GDNF: variants seen among roughly 807,000 people sequenced by gnomAD.
The protein encoded by GDNF is glial cell derived neurotrophic factor.
GDNF carries 5 observed loss-of-function variants against 13.7 expected under a neutral mutation model. The observed-to-expected ratio is 0.36, with a 90% confidence interval of 0.19 to 0.77. The LOEUF is 0.77. Ranked by LOEUF, GDNF falls within the 30% of genes least tolerant of loss-of-function variation. GDNF has a pLI of 0.51. For synonymous variants in GDNF, 122 were observed against 112.5 expected (o/e 1.08, Z -0.53); for missense variants, 246 against 274.3 (o/e 0.90, Z 0.73).
At chr5:37,824,955 T>C (rs1750256951) in intron 2 of GDNF, among the ~76,000 whole-genome samples, 1 of 152,184 alleles carries the variant, frequency 6.6e-6, no homozygotes, top group Non-Finnish European at 1.5e-5. Flanking sequence ...ACACCACTGT[T>C]TTGTTGTTTT....
rs1749867672 is a variant in GDNF at position 37,815,268 on chromosome 5, A to G, written c.*383T>C. ...CATGAAAACAAATCACAGGAGATAC[A>G]CTGGTTTGGTTCAAGTGCATCCACC... On this transcript the variant is annotated 3_prime_UTR_variant, in exon 3 of 3. Coordinates refer to ENST00000326524, the MANE Select transcript of GDNF (RefSeq NM_000514.4). The surrounding 1 kb of genome is among the most constrained non-coding windows in gnomAD (Gnocchi z 5.0). The G allele has an allele frequency of 3.3e-6, 1 of 305,306 alleles. No homozygotes were observed. Among genetic ancestry groups the G allele is most frequent in the Non-Finnish European group, 6.3e-6 (1 of 159,422 alleles). 18.9% of individuals were successfully genotyped at this position (305,306 alleles called of 1,614,324 possible).
chr5:37,815,622 G>A lies in GDNF; in HGVS notation c.*29C>T, dbSNP rs763387496. 6.2e-7 allele frequency: 1 copy of A among 1,603,748 alleles called. No individual in the cohort carries two copies. Among genetic ancestry groups the A allele is most frequent in the Admixed American group, 1.7e-5 (1 of 59,994 alleles). On this transcript the variant is annotated 3_prime_UTR_variant, in exon 3 of 3. Coordinates refer to ENST00000326524, the MANE Select transcript of GDNF (RefSeq NM_000514.4). This position sits in a 1 kb window ranked among gnomAD's most constrained non-coding sequence, Gnocchi z 5.0. Reference sequence around the variant, plus strand: ...CCTTTCTTTGCACTGTAGCAGGAATGCAATACACAGCAGTCTCTGGAGCCG... The same window carrying A: ...CCTTTCTTTGCACTGTAGCAGGAATACAATACACAGCAGTCTCTGGAGCCG...
intron 1 of GDNF, among the ~76,000 whole-genome samples, chr5:37,836,360 C>G (rs1750704128): frequency 6.6e-6 from 1 of 152,092 alleles, no homozygotes; most frequent in African/African-American, 2.4e-5. Context: ...GCAGGCAACC[C>G]GGGGAAGCCT....
chr5:37,838,217 C>A lies in GDNF; in HGVS notation c.-27+1290G>T, dbSNP rs945439171. Among the ~76,000 whole-genome samples the A allele has an allele frequency of 3.9e-5, 6 of 152,056 alleles. No individual in the cohort carries two copies. Among genetic ancestry groups the A allele is most frequent in the Admixed American group, 2.0e-4 (3 of 15,266 alleles). On this transcript the variant is annotated intron_variant, in intron 1 of 2. Coordinates refer to ENST00000326524, the MANE Select transcript of GDNF (RefSeq NM_000514.4). This position sits in a 1 kb window ranked among gnomAD's most constrained non-coding sequence, Gnocchi z 4.1. Reference sequence around the variant, plus strand: ...CTGTTTAAAGGGCCAGGTTCCAGGCCCGAGAGCACCCGAATTGCTAGCGGG... The same window carrying A: ...CTGTTTAAAGGGCCAGGTTCCAGGCACGAGAGCACCCGAATTGCTAGCGGG...
intron 1 of GDNF, 65 bp from the exon 2 acceptor site, chr5:37,834,887 C>A: frequency 1.4e-6 from 2 of 1,444,518 alleles, no homozygotes; most frequent in Admixed American, 1.7e-5. Flanking sequence ...GGGCTCCCTG[C>A]GGGTCCCTGC....
At chr5:37,825,229 A>G (rs1293722736) in intron 2 of GDNF, among the ~76,000 whole-genome samples, 1 of 152,242 alleles carries the variant, frequency 6.6e-6, no homozygotes. Flanking sequence ...ACAAACAGCC[A>G]GAAAACCCCA....
At chr5:37,821,242 G>A (rs1029028061) in intron 2 of GDNF, among the ~76,000 whole-genome samples, 3 of 152,160 alleles carry the variant, frequency 2.0e-5, no homozygotes, top group African/African-American at 4.8e-5. Context: ...GCCCACAGCT[G>A]CCTCCATTTT....
chr5:37,820,515 T>C (rs1750096452), intron 2 of GDNF, among the ~76,000 whole-genome samples: 1 of 152,212 alleles, frequency 6.6e-6, no homozygotes, highest in Non-Finnish European at 1.5e-5. Context: ...ATACACGTCA[T>C]AGCAAATTTG....
chr5:37,814,670 TAATA>T lies in GDNF; in HGVS notation c.*977_*980del, dbSNP rs1027294068. The T allele has an allele frequency of 2.6e-5, 4 of 152,228 alleles. No individual in the cohort carries two copies. Among genetic ancestry groups the T allele is most frequent in the African/African-American group, 4.8e-5 (2 of 41,462 alleles). 9.4% of individuals were successfully genotyped at this position (152,228 alleles called of 1,614,324 possible). On this transcript the variant is annotated 3_prime_UTR_variant, in exon 3 of 3. Transcript: ENST00000326524. ...AAAAGAGAAATTCATTAGTGAACGG[TAATA>T]AATAACAATAACTTAAATTTCAATA...
chr5:37,818,591 C>T (rs1039571237), intron 2 of GDNF, among the ~76,000 whole-genome samples: 1 of 152,180 alleles, frequency 6.6e-6, no homozygotes, highest in African/African-American at 2.4e-5. Flanking sequence ...TAGCATCCCC[C>T]ATCCTAGTCA....
rs140493076 is a variant in GDNF at position 37,826,469 on chromosome 5, C to G, written c.151+8177G>C. 8.6e-3 allele frequency among the ~76,000 whole-genome samples: 1,305 copies of G among 152,322 alleles called. 24 individuals are homozygous for G. Among genetic ancestry groups the G allele is most frequent in the Non-Finnish European group, 8.8e-3 (597 of 68,034 alleles). ...CAGAGGAGAGACCTCTGTGCAGGGC[C>G]TGGAGCCCCTGGCATGGTGGGTTGT... is the stretch of plus-strand genomic sequence containing the variant. On this transcript the variant is annotated intron_variant, in intron 2 of 2. Coordinates refer to ENST00000326524, the MANE Select transcript of GDNF (RefSeq NM_000514.4).
rs576860633 is a variant in GDNF, at chr5:37,837,063, C to G, written c.-26-2241G>C. On this transcript the variant is annotated intron_variant, in intron 1 of 2. Transcript: ENST00000326524. This position sits in a 1 kb window ranked among gnomAD's most constrained non-coding sequence, Gnocchi z 6.5. Reference sequence around the variant, plus strand: ...CCTCTGAGCGCCGCCGGGACCGGCTCCAGTCCGAGGGGCTCTTTCGTTCTC... The same window carrying G: ...CCTCTGAGCGCCGCCGGGACCGGCTGCAGTCCGAGGGGCTCTTTCGTTCTC... Among the ~76,000 whole-genome samples, 34 of 152,290 alleles carry G rather than the reference C, an allele frequency of 2.2e-4. No individual in the cohort carries two copies. Among genetic ancestry groups the G allele is most frequent in the African/African-American group, 7.7e-4 (32 of 41,566 alleles).
At chr5:37,817,775 C>T (rs1561127335) in intron 2 of GDNF, among the ~76,000 whole-genome samples, 1 of 152,156 alleles carries the variant, frequency 6.6e-6, no homozygotes, top group African/African-American at 2.4e-5. Context: ...GAAGCCCTGT[C>T]ACCTCTTGCC....
At position 37,834,767 on chromosome 5, in the gene GDNF, G is replaced by A; in HGVS notation, c.30C>T (p.Cys10=). Residue 10 remains cysteine (C), a synonymous_variant, in exon 2 of 3, where the codon TGC becomes TGT. Transcript: ENST00000326524. ...CGGACGCGGTGTGGAGCAGCACCAG[G>A]CAGACAGCCACGACATCCCATAACT... is the stretch of plus-strand genomic sequence containing the variant. MKLWDVVAV[C]LVLLHTASAF... is the part of the protein sequence containing the mutation. 3.1e-6 allele frequency: 5 copies of A among 1,613,224 alleles called. No individual in the cohort carries two copies. The highest frequency in any genetic ancestry group is 1.6e-4 in the Middle Eastern group (1 of 6,062).
chr5:37,814,701 A>G lies in GDNF; in HGVS notation c.*950T>C, dbSNP rs1388861466. 1 of 152,256 alleles carries G rather than the reference A, an allele frequency of 6.6e-6. No homozygotes were observed. Among genetic ancestry groups the G allele is most frequent in the South Asian group, 2.1e-4 (1 of 4,834 alleles). 9.4% of individuals were successfully genotyped at this position (152,256 alleles called of 1,614,324 possible). ...ATAACAATAACTTAAATTTCAATAA[A>G]TATCTTCTCTATATTTCTGTATCTG... On this transcript the variant is annotated 3_prime_UTR_variant, in exon 3 of 3. Transcript: ENST00000326524.
intron 2 of GDNF, among the ~76,000 whole-genome samples, chr5:37,823,653 C>T (rs1750216194): frequency 6.6e-6 from 1 of 152,184 alleles, no homozygotes; most frequent in Admixed American, 6.5e-5. Flanking sequence ...CCAACTCATG[C>T]TGGCACCAAA....
At chr5:37,833,740 A>AT (rs1750603011) in intron 2 of GDNF, among the ~76,000 whole-genome samples, 1 of 152,052 alleles carries the variant, frequency 6.6e-6, no homozygotes, top group African/African-American at 2.4e-5. Context: ...TTCCTGCTTT[A>AT]TTTTGGGGTT....
chr5:37,816,681 A>C (rs1749941369), intron 2 of GDNF, among the ~76,000 whole-genome samples: 1 of 152,190 alleles, frequency 6.6e-6, no homozygotes, highest in Non-Finnish European at 1.5e-5. Context: ...TCCACGCACT[A>C]AACTTTGAGA....
chr5:37,835,617 C>G (rs1455959544), intron 1 of GDNF: 3 of 1,545,874 alleles, frequency 1.9e-6, no homozygotes, highest in South Asian at 1.2e-5. Flanking sequence ...GTAGTAAGAG[C>G]TCAGTAAATG....
Sources: allele counts gnomAD v4.1 joint callset (sites outside exome capture counted in the v4.1 genomes callset), GRCh38; gene constraint gnomAD v4.1.1; non-coding constraint Gnocchi (gnomAD v3.1); transcripts MANE v1.5; gene names NCBI Gene and HGNC (gene_info 2026-07-23, HGNC 2026-07-21).